Variants in ANKS1B observed in about 807,000 individuals in gnomAD.
ANKS1B encodes the protein ankyrin repeat and sterile alpha motif domain containing 1B, also known as ankyrin repeat and sterile alpha motif domain-containing protein 1B.
Under a neutral mutation model 148.3 loss-of-function variants are expected in ANKS1B, and 36 were observed. That is an observed-to-expected ratio of 0.24 (90% CI 0.19 to 0.32). ANKS1B has a LOEUF of 0.32. Ranked by LOEUF, ANKS1B falls within the 10% of genes least tolerant of loss-of-function variation. The probability of loss-of-function intolerance (pLI) is 1.00; values close to 1 mark genes in which losing one functional copy is unlikely to be tolerated. For synonymous variants in ANKS1B, 542 were observed against 560.8 expected (o/e 0.97, Z 0.47); for missense variants, 1,157 against 1,542.6 (o/e 0.75, Z 4.19).
intron 8 of ANKS1B, among the ~76,000 whole-genome samples, chr12:99,741,888 A>G (rs1028795872): frequency 2.0e-5 from 3 of 152,098 alleles, no homozygotes; most frequent in Non-Finnish European, 4.4e-5. Context: ...CTTAAAGTAT[A>G]ATGAAAATAA....
chr12:98,771,028 C>T (rs926747275), intron 25 of ANKS1B, among the ~76,000 whole-genome samples: 1 of 152,162 alleles, frequency 6.6e-6, no homozygotes, highest in Admixed American at 6.5e-5. Flanking sequence ...ACCTTGAGGG[C>T]ATATCAATCT....
chr12:99,174,131 T>C (rs1337005141), intron 14 of ANKS1B, among the ~76,000 whole-genome samples: 1 of 152,242 alleles, frequency 6.6e-6, no homozygotes, highest in Non-Finnish European at 1.5e-5. Context: ...AGATTCTATG[T>C]TGAGGCCCGT....
chr12:99,234,141 A>G (rs2087398776), intron 14 of ANKS1B, among the ~76,000 whole-genome samples: 1 of 152,114 alleles, frequency 6.6e-6, no homozygotes, highest in Non-Finnish European at 1.5e-5. Context: ...GTATCCTCCC[A>G]AAGCAAAATT....
chr12:98,902,951 G>A (rs1780150057), intron 17 of ANKS1B, among the ~76,000 whole-genome samples: 1 of 152,128 alleles, frequency 6.6e-6, no homozygotes, highest in African/African-American at 2.4e-5. Flanking sequence ...CATGAACTTG[G>A]GAGGGGACAG....
intron 9 of ANKS1B, among the ~76,000 whole-genome samples, chr12:99,580,623 A>G (rs932336637): frequency 2.0e-5 from 3 of 152,186 alleles, no homozygotes; most frequent in African/African-American, 7.2e-5. Context: ...GTGAAGAGAA[A>G]TTGGTTAATG....
At chr12:99,052,596 C>T (rs1424220686) in intron 17 of ANKS1B, among the ~76,000 whole-genome samples, 2 of 148,712 alleles carry the variant, frequency 1.3e-5, no homozygotes, top group South Asian at 2.2e-4. Flanking sequence ...GGCGCGGTGG[C>T]GGGCGCCTGT....
intron 8 of ANKS1B, among the ~76,000 whole-genome samples, chr12:99,656,156 A>G (rs1025781740): frequency 3.9e-5 from 6 of 152,160 alleles, no homozygotes; most frequent in African/African-American, 1.2e-4. Context: ...GAGTCTCCAA[A>G]AACAAGAGAA....
intron 8 of ANKS1B, among the ~76,000 whole-genome samples, chr12:99,734,223 G>T (rs2059417620): frequency 6.6e-6 from 1 of 151,886 alleles, no homozygotes; most frequent in African/African-American, 2.4e-5. Context: ...CCATATTCTT[G>T]TCTTTCTTCC....
At chr12:99,484,311 T>C (rs2096457218) in intron 10 of ANKS1B, among the ~76,000 whole-genome samples, 4 of 152,030 alleles carry the variant, frequency 2.6e-5, no homozygotes, top group Admixed American at 2.6e-4. Flanking sequence ...GTTTTGAGGG[T>C]TCCTTTTTGA....
chr12:98,741,040 T>A (rs2097796029), downstream of ANKS1B, among the ~76,000 whole-genome samples: 1 of 152,180 alleles, frequency 6.6e-6, no homozygotes, highest in Admixed American at 6.5e-5. Context: ...AAAGCTACAA[T>A]TCCAGCTCTG....
chr12:99,087,218 A>G (rs1772112247), intron 15 of ANKS1B, among the ~76,000 whole-genome samples: 1 of 152,224 alleles, frequency 6.6e-6, no homozygotes, highest in Non-Finnish European at 1.5e-5. Flanking sequence ...GACAGAATAG[A>G]TGCATGTAAA....
chr12:99,285,783 T>G (rs2079051835), intron 12 of ANKS1B, among the ~76,000 whole-genome samples: 1 of 152,110 alleles, frequency 6.6e-6, no homozygotes, highest in East Asian at 1.9e-4. Context: ...TGTGGGACTT[T>G]GCACTGAAAT....
At chr12:99,955,492 C>CAAAAAAAAAAAAAAAAAAAA (rs61654867) in intron 1 of ANKS1B, among the ~76,000 whole-genome samples, 1 of 38,064 alleles carries the variant, frequency 2.6e-5, no homozygotes, top group African/African-American at 9.4e-5. Context: ...AACTCCGTCT[C>CAAAAAAAAAAAAAAAAAAAA]AAAAAAAAAA....
At chr12:99,658,291 A>G (rs1402476837) in intron 8 of ANKS1B, among the ~76,000 whole-genome samples, 2 of 152,172 alleles carry the variant, frequency 1.3e-5, no homozygotes, top group Non-Finnish European at 2.9e-5. Flanking sequence ...ATGGAAAACA[A>G]TACAGTGGAA....
intron 8 of ANKS1B, among the ~76,000 whole-genome samples, chr12:99,767,155 T>C (rs2062725386): frequency 6.6e-6 from 1 of 151,800 alleles, no homozygotes; most frequent in Non-Finnish European, 1.5e-5. Flanking sequence ...TAAAATAAAA[T>C]ACCTCACACT....
chr12:98,769,115 T>A (rs956695990), intron 25 of ANKS1B, among the ~76,000 whole-genome samples: 12 of 150,672 alleles, frequency 8.0e-5, no homozygotes, highest in African/African-American at 2.9e-4. Context: ...TACATACTTA[T>A]TTAGCTAAAA....
intron 18 of ANKS1B, among the ~76,000 whole-genome samples, chr12:98,830,104 C>T (rs1378445296): frequency 3.9e-5 from 6 of 151,928 alleles, no homozygotes; most frequent in Non-Finnish European, 8.8e-5. Context: ...TTCCAGAGAG[C>T]CAGAATGAGA....
intron 8 of ANKS1B, among the ~76,000 whole-genome samples, chr12:99,714,213 C>G (rs1201323225): frequency 6.6e-6 from 1 of 151,400 alleles, no homozygotes; most frequent in African/African-American, 2.4e-5. Context: ...CCCTCTGCTT[C>G]TGTCATGGCA....
In ANKS1B at chr12:99,308,013, C is replaced by A. The variant is rs556499702; in HGVS notation, c.1757-61149G>T. 9.9e-5 allele frequency among the ~76,000 whole-genome samples: 15 copies of A among 152,164 alleles called. No individual in the cohort carries two copies. The East Asian group carries it at 2.1e-3, about 22-fold the overall frequency. ...TCAAATAAGCCTTGTTCTCTATCAACCTGATCTATCTTCTGCTGATAGCTG... is the reference window on the plus strand; with the variant it reads ...TCAAATAAGCCTTGTTCTCTATCAAACTGATCTATCTTCTGCTGATAGCTG... On this transcript the variant is annotated intron_variant, in intron 12 of 26. Transcript: ENST00000683438.
Sources: gnomAD v4.1 joint callset for allele counts (sites outside exome capture counted in the v4.1 genomes callset) on GRCh38, gnomAD v4.1.1 for gene constraint, MANE v1.5 for transcripts, NCBI Gene and HGNC (gene_info 2026-07-23, HGNC 2026-07-21) for gene names.